Variants in NR3C2 observed in about 807,000 individuals in gnomAD.
The protein encoded by NR3C2 is nuclear receptor subfamily 3 group C member 2.
A neutral mutation model predicts 86.4 loss-of-function variants in NR3C2; 15 were observed. The observed-to-expected ratio is 0.17, with a 90% CI of 0.12 to 0.27. The LOEUF is 0.27. NR3C2 is among the 10% of genes least tolerant of loss of function. The pLI, the probability that NR3C2 is intolerant of heterozygous loss-of-function variation, is 1.00. For missense variants in NR3C2, 960 were observed against 1,195.6 expected (o/e 0.80, Z 2.91); for synonymous variants, 458 against 450.5 (o/e 1.02, Z -0.21).
chr4:148,311,772 A>G (rs1362892930), intron 2 of NR3C2, among the ~76,000 whole-genome samples: 1 of 152,096 alleles, frequency 6.6e-6, no homozygotes, highest in East Asian at 1.9e-4. Flanking sequence ...ATTACACTGC[A>G]CTCTTGTTTA....
At chr4:148,100,460 G>A (rs186417001) in intron 8 of NR3C2, among the ~76,000 whole-genome samples, 3 of 152,270 alleles carry the variant, frequency 2.0e-5, no homozygotes, top group Admixed American at 6.5e-5. Flanking sequence ...GGCCATTAGC[G>A]CCTGGAAAGG....
intron 6 of NR3C2, among the ~76,000 whole-genome samples, chr4:148,140,108 T>C (rs1162589539): frequency 3.3e-5 from 5 of 152,194 alleles, no homozygotes; most frequent in Admixed American, 3.3e-4. Context: ...GAGCCTTCCT[T>C]TGTTTTAGAG....
At chr4:148,376,941 C>T (rs1746709456) in intron 2 of NR3C2, among the ~76,000 whole-genome samples, 1 of 151,920 alleles carries the variant, frequency 6.6e-6, no homozygotes, top group Admixed American at 6.6e-5. Context: ...AAATTATGCC[C>T]AAATAAAATG....
At chr4:148,351,416 T>C (rs138108910) in intron 2 of NR3C2, among the ~76,000 whole-genome samples, 13,427 of 152,306 alleles carry the variant, frequency 0.088, 878 homozygotes, top group African/African-American at 0.19. Flanking sequence ...GTGCTGGGAT[T>C]ACAGGTGTGA....
intron 2 of NR3C2, among the ~76,000 whole-genome samples, chr4:148,286,583 T>C (rs567327084): frequency 1.3e-5 from 2 of 152,328 alleles, no homozygotes; most frequent in African/African-American, 4.8e-5. Flanking sequence ...GAAGGAGAGA[T>C]GCACCTCTTT....
chr4:148,360,972 A>G (rs1176454443), intron 2 of NR3C2, among the ~76,000 whole-genome samples: 2 of 152,136 alleles, frequency 1.3e-5, no homozygotes, highest in Non-Finnish European at 2.9e-5. Flanking sequence ...TCAGGATGCC[A>G]CCCAAGGCCC....
chr4:148,374,590 T>C (rs1412411340), intron 2 of NR3C2, among the ~76,000 whole-genome samples: 1 of 152,190 alleles, frequency 6.6e-6, no homozygotes, highest in African/African-American at 2.4e-5. Flanking sequence ...TATATGTCAA[T>C]GTATAAAAGA....
intron 2 of NR3C2, among the ~76,000 whole-genome samples, chr4:148,309,123 G>A (rs1003492950): frequency 6.6e-6 from 1 of 151,986 alleles, no homozygotes; most frequent in African/African-American, 2.4e-5. Flanking sequence ...AAACATCACT[G>A]TGTACCCTCT....
intron 2 of NR3C2, among the ~76,000 whole-genome samples, chr4:148,420,463 T>C (rs984238702): frequency 2.0e-5 from 3 of 152,248 alleles, no homozygotes; most frequent in Admixed American, 2.0e-4. Context: ...GAAATTAGTA[T>C]TTAATTTCTA....
intron 2 of NR3C2, among the ~76,000 whole-genome samples, chr4:148,312,640 A>G (rs1742960168): frequency 6.6e-6 from 1 of 152,184 alleles, no homozygotes; most frequent in South Asian, 2.1e-4. Context: ...GTACAAAACT[A>G]TATCTCATTT....
chr4:148,369,961 T>C (rs1746334749), intron 2 of NR3C2, among the ~76,000 whole-genome samples: 1 of 152,236 alleles, frequency 6.6e-6, no homozygotes, highest in South Asian at 2.1e-4. Context: ...GCCACCTTTT[T>C]AGAAGTAGTA....
intron 2 of NR3C2, among the ~76,000 whole-genome samples, chr4:148,434,313 TCTTC>T (rs1263665878): frequency 1.3e-5 from 2 of 152,186 alleles, no homozygotes; most frequent in African/African-American, 2.4e-5. Flanking sequence ...ATCTAAAACC[TCTTC>T]CTTGTTTTTT....
At chr4:148,168,261 G>A (rs549801318) in intron 4 of NR3C2, among the ~76,000 whole-genome samples, 4 of 152,320 alleles carry the variant, frequency 2.6e-5, no homozygotes, top group East Asian at 3.9e-4. Context: ...GAAGGGGCAA[G>A]TGATGCACAG....
At chr4:148,241,533 GC>G (rs1739047646) in intron 3 of NR3C2, among the ~76,000 whole-genome samples, 1 of 151,846 alleles carries the variant, frequency 6.6e-6, no homozygotes, top group Admixed American at 6.6e-5. Context: ...CACACTTTAA[GC>G]TCTCGTGTGT....
At chr4:148,377,930 G>A (rs910111005) in intron 2 of NR3C2, among the ~76,000 whole-genome samples, 1 of 152,164 alleles carries the variant, frequency 6.6e-6, no homozygotes, top group Admixed American at 6.5e-5. Context: ...AATGAAGACC[G>A]GGCAAGCATG....
At chr4:148,127,636 C>T (rs1189704955) in intron 6 of NR3C2, among the ~76,000 whole-genome samples, 1 of 152,226 alleles carries the variant, frequency 6.6e-6, no homozygotes, top group African/African-American at 2.4e-5. Context: ...TATACTTGCA[C>T]ATGTCAGCCA....
At chr4:148,085,217 G>A (rs576513709) in intron 8 of NR3C2, among the ~76,000 whole-genome samples, 53 of 152,178 alleles carry the variant, frequency 3.5e-4, no homozygotes, top group East Asian at 1.9e-4. Context: ...GCACCTCATC[G>A]CACTTTTTCT....
chr4:148,263,909 G>A lies in NR3C2; in HGVS notation c.1758-3792C>T, dbSNP rs149330606. ...ACTCTTGCTCTTGTATTAGTGACTT[G>A]TGCACTTATCCTAATCCCTCGAGGG... On this transcript the variant is annotated intron_variant, in intron 2 of 8. Coordinates refer to ENST00000358102, the MANE Select transcript of NR3C2 (RefSeq NM_000901.5). Among the ~76,000 whole-genome samples the A allele has an allele frequency of 4.7e-4, 72 of 152,210 alleles. 1 individual carries two copies. In the East Asian group the frequency reaches 0.012, roughly 26 times the overall value.
chr4:148,369,365 T>A (rs1419081917), intron 2 of NR3C2, among the ~76,000 whole-genome samples: 1 of 152,208 alleles, frequency 6.6e-6, no homozygotes, highest in Non-Finnish European at 1.5e-5. Context: ...TTAGCATACA[T>A]AAGCCCCTTC....
Sources: gnomAD v4.1 joint callset for allele counts (sites outside exome capture counted in the v4.1 genomes callset) on GRCh38, gnomAD v4.1.1 for gene constraint, MANE v1.5 for transcripts, NCBI Gene and HGNC (gene_info 2026-07-23, HGNC 2026-07-21) for gene names.